The following PI4KA variants were observed in gnomAD, a reference collection of about 807,000 sequenced individuals.
The protein encoded by PI4KA is phosphatidylinositol 4-kinase alpha.
In PI4KA, 122 loss-of-function variants were observed where a neutral mutation model predicts 271.4. That is an observed-to-expected ratio of 0.45 (90% CI 0.39 to 0.52). The LOEUF (loss-of-function observed/expected upper bound fraction) is 0.52, where lower values mean the gene tolerates loss of function less well. Among genes scored for constraint, PI4KA ranks in the 20% least tolerant of loss-of-function variants. The probability of loss-of-function intolerance (pLI) is 0.00; values close to 1 mark genes in which losing one functional copy is unlikely to be tolerated. For synonymous variants in PI4KA, 1,041 were observed against 1,078.8 expected, an observed-to-expected ratio of 0.96 and a Z score of 0.69; for missense variants, 1,969 against 2,769.1, an observed-to-expected ratio of 0.71 and a Z score of 6.48.
chr22:20,753,364 T>C (rs1474572988), intron 23 of PI4KA, among the ~76,000 whole-genome samples, 184 bp from the exon 24 acceptor site: 3 of 152,204 alleles, frequency 2.0e-5, no homozygotes, highest in Non-Finnish European at 4.4e-5. Flanking sequence ...GGCTGATGTG[T>C]CAAAACTGAG....
intron 19 of PI4KA, among the ~76,000 whole-genome samples, chr22:20,767,397 T>G (rs1230327123): frequency 6.6e-6 from 1 of 151,430 alleles, no homozygotes; most frequent in Non-Finnish European, 1.5e-5. Context: ...TGAGCCAAGA[T>G]GGCGCTACTG....
intron 45 of PI4KA, among the ~76,000 whole-genome samples, chr22:20,717,393 C>T (rs549501689): frequency 8.5e-5 from 13 of 152,280 alleles, no homozygotes; most frequent in Non-Finnish European, 1.9e-4. Context: ...GTGTGACCTG[C>T]TCCTGTAATG....
In PI4KA at chr22:20,751,682, G is replaced by A. The variant is rs1930711549; in HGVS notation, c.3061C>T (p.Leu1021=). 1 of 1,613,468 alleles carries A rather than the reference G, an allele frequency of 6.2e-7. No homozygotes were observed. Among genetic ancestry groups the A allele is most frequent in the South Asian group, 1.1e-5 (1 of 91,068 alleles). The change falls in exon 26 of 55, where the codon CTG becomes TTG. Residue 1021 remains leucine (L), a synonymous_variant. Transcript: ENST00000255882. ...LDILQTLSLS[L]SADIHKDQPY... is the part of the protein sequence containing the mutation. Reference sequence around the variant, plus strand: ...CTCCTGGGGACACTCACAGCGCTCAGTGACAGTGACAGGGTCTGCAGGATG... The same window carrying A: ...CTCCTGGGGACACTCACAGCGCTCAATGACAGTGACAGGGTCTGCAGGATG...
intron 42 of PI4KA, 60 bp from the exon 43 acceptor site, chr22:20,721,478 T>C: frequency 5.0e-6 from 8 of 1,591,490 alleles, no homozygotes; most frequent in Non-Finnish European, 6.9e-6. Context: ...GAGGGCCTTG[T>C]CAGCAGCTGC....
At chr22:20,810,894 A>G in intron 9 of PI4KA, 73 bp downstream of exon 9, 2 of 1,164,606 alleles carry the variant, frequency 1.7e-6, no homozygotes, top group Non-Finnish European at 1.3e-6. Context: ...GCCCCCGCTC[A>G]AACTCTTCCT....
At chr22:20,719,752 C>T (rs558756801) in intron 43 of PI4KA, among the ~76,000 whole-genome samples, 3 of 152,192 alleles carry the variant, frequency 2.0e-5, no homozygotes, top group African/African-American at 4.8e-5. Flanking sequence ...CTGGGCCGGG[C>T]GTGGTGGCTC....
chr22:20,751,272 A>T, intron 27 of PI4KA, 21 bp downstream of exon 27: 1 of 1,597,100 alleles, frequency 6.3e-7, no homozygotes, highest in Admixed American at 1.7e-5. Context: ...CCCTTAGTGC[A>T]GGGGATCGTG....
intron 18 of PI4KA, among the ~76,000 whole-genome samples, chr22:20,795,635 A>T (rs539558021): frequency 6.6e-6 from 1 of 152,270 alleles, no homozygotes; most frequent in African/African-American, 2.4e-5. Flanking sequence ...GCTACTGGGG[A>T]GTTACGAAGG....
At chr22:20,761,518 G>A in intron 22 of PI4KA, 132 bp from the exon 23 acceptor site, 2 of 667,494 alleles carry the variant, frequency 3.0e-6, no homozygotes, top group Admixed American at 4.8e-5. Flanking sequence ...GCACACTGAG[G>A]TGGACTTTTT....
At chr22:20,721,637 A>G in intron 42 of PI4KA, 1 of 541,658 alleles carries the variant, frequency 1.8e-6, no homozygotes. Context: ...GCAGGGTTGC[A>G]AAGCGGGCGA....
intron 1 of PI4KA, among the ~76,000 whole-genome samples, chr22:20,852,351 G>A (rs888079871): frequency 6.6e-6 from 1 of 152,134 alleles, no homozygotes; most frequent in African/African-American, 2.4e-5. Context: ...TGGTGACACA[G>A]GAGGGCACTG....
At position 20,826,017 on chromosome 22, in the gene PI4KA, C is replaced by T. The variant is rs148019259; in HGVS notation, c.368-1603G>A. Among the ~76,000 whole-genome samples the T allele has an allele frequency of 2.2e-3, 330 of 152,276 alleles. 2 individuals are homozygous for T. Among genetic ancestry groups the T allele is most frequent in the African/African-American group, 7.6e-3 (317 of 41,562 alleles). The stretch of plus-strand genomic sequence containing the variant: ...TGTTGCTGTGCTAATTCTCCCATAA[C>T]GGTCTCCAGCTCCATCCATGTTGCT... On this transcript the variant is annotated intron_variant, in intron 3 of 54. Coordinates refer to ENST00000255882, the MANE Select transcript of PI4KA (RefSeq NM_058004.4).
intron 28 of PI4KA, among the ~76,000 whole-genome samples, chr22:20,749,114 C>T (rs1337982898): frequency 6.6e-6 from 1 of 152,206 alleles, no homozygotes; most frequent in South Asian, 2.1e-4. Flanking sequence ...GACCTGAGGC[C>T]CTTTTGCTGT....
chr22:20,758,254 A>G (rs1184232767), intron 23 of PI4KA, among the ~76,000 whole-genome samples: 1 of 150,294 alleles, frequency 6.7e-6, no homozygotes, highest in African/African-American at 2.4e-5. Flanking sequence ...AGTCCCAGCT[A>G]CTTGGGAGGC....
intron 39 of PI4KA, 64 bp from the exon 40 acceptor site, chr22:20,727,928 C>A: frequency 8.0e-7 from 1 of 1,253,248 alleles, no homozygotes; most frequent in East Asian, 2.3e-5. Flanking sequence ...TCCCACCACA[C>A]TGGAGTGAGG....
intron 30 of PI4KA, 176 bp from the exon 31 acceptor site, chr22:20,742,940 T>C (rs2147288868): frequency 1.8e-5 from 3 of 168,296 alleles, no homozygotes; most frequent in Non-Finnish European, 3.6e-5. Context: ...TGATCACAGC[T>C]TTTTTTTTTT....
At position 20,734,618 on chromosome 22, in the gene PI4KA, C is replaced by A. The variant is rs900767156; in HGVS notation, c.3742-65G>T. The A allele has an allele frequency of 4.7e-5, 69 of 1,468,786 alleles. No homozygotes were observed. The African/African-American group carries it at 9.3e-4, about 20-fold the overall frequency. 91.0% of individuals were successfully genotyped at this position (1,468,786 alleles called of 1,614,324 possible). ...CAAAAAGGGGCTACTGTCAAGTTTT[C>A]TCTAATTAAAAAAAGGAACACGTGC... is the stretch of plus-strand genomic sequence containing the variant. On this transcript the variant is annotated intron_variant, in intron 32 of 54. Transcript: ENST00000255882.
In PI4KA at chr22:20,718,812, G is replaced by A. The variant is rs567840963; in HGVS notation, c.5127C>T (p.Gly1709=). Residue 1709 remains glycine, a synonymous_variant, in exon 44 of 55, where the codon GGC becomes GGT. Coordinates refer to ENST00000255882, the MANE Select transcript of PI4KA (RefSeq NM_058004.4). ...CCTCTACCAACTGATCCAGGAGGTC[G>A]CCGATGTCAGCTGCCAAGGAAGCAA... The part of the protein sequence containing the change: ...EEGHQKDPDI[G]DLLDQLVEEI... 3.1e-6 allele frequency: 5 copies of A among 1,613,774 alleles called. No homozygotes were observed. Among genetic ancestry groups the A allele is most frequent in the Admixed American group, 1.7e-5 (1 of 59,984 alleles).
chr22:20,814,508 C>T (rs924776143), intron 7 of PI4KA, among the ~76,000 whole-genome samples: 4 of 152,016 alleles, frequency 2.6e-5, no homozygotes, highest in African/African-American at 7.3e-5. Flanking sequence ...CCAGAGTTTT[C>T]GAAGGCTGAG....
Sources: gnomAD v4.1 joint callset for allele counts (sites outside exome capture counted in the v4.1 genomes callset) on GRCh38, gnomAD v4.1.1 for gene constraint, MANE v1.5 for transcripts, NCBI Gene and HGNC (gene_info 2026-07-23, HGNC 2026-07-21) for gene names.